The following COL23A1 variants were observed in gnomAD, a reference collection of about 807,000 sequenced individuals.
COL23A1 encodes collagen type XXIII alpha 1 chain.
Under a neutral mutation model 99.3 loss-of-function variants are expected in COL23A1, and 97 were observed. The ratio of observed to expected loss-of-function variants is 0.98; its 90% CI spans 0.83 to 1.16. The LOEUF (loss-of-function observed/expected upper bound fraction) is 1.16, where lower values mean the gene tolerates loss of function less well. COL23A1 is among the 50% of genes most tolerant of loss of function. The pLI is 0.00. For missense variants in COL23A1, 762 were observed against 757.4 expected (o/e 1.01, Z -0.07); for synonymous variants, 320 against 308.2 (o/e 1.04, Z -0.40).
intron 3 of COL23A1, among the ~76,000 whole-genome samples, chr5:178,304,421 A>C (rs1334729596): frequency 6.6e-6 from 1 of 150,392 alleles, no homozygotes; most frequent in Non-Finnish European, 1.5e-5. Context: ...GAGACATGAG[A>C]ATCGCTTGAA....
intron 1 of COL23A1, among the ~76,000 whole-genome samples, chr5:178,586,634 G>C (rs1764021888): frequency 6.7e-6 from 1 of 149,392 alleles, no homozygotes; most frequent in Non-Finnish European, 1.5e-5. Context: ...GACAAGAAAA[G>C]AGTGGAGAGA....
intron 1 of COL23A1, among the ~76,000 whole-genome samples, chr5:178,585,749 T>TG (rs1273881656): frequency 6.6e-6 from 1 of 151,404 alleles, no homozygotes; most frequent in Non-Finnish European, 1.5e-5. Flanking sequence ...TGGCTGACCC[T>TG]GTTGGTTGCT....
intron 2 of COL23A1, among the ~76,000 whole-genome samples, chr5:178,518,209 G>C (rs1356729955): frequency 7.7e-6 from 1 of 129,868 alleles, no homozygotes; most frequent in Non-Finnish European, 1.7e-5. Context: ...GCACGGGGTT[G>C]GGGGTAAGGT....
chr5:178,520,611 G>A (rs1759887901), intron 2 of COL23A1, among the ~76,000 whole-genome samples: 2 of 152,310 alleles, frequency 1.3e-5, no homozygotes, highest in Admixed American at 1.3e-4. Context: ...GTTCAGAAGT[G>A]AGGTGGACCA....
intron 2 of COL23A1, among the ~76,000 whole-genome samples, chr5:178,453,449 T>C (rs1042524563): frequency 3.9e-5 from 6 of 152,158 alleles, no homozygotes; most frequent in African/African-American, 1.4e-4. Flanking sequence ...GTGGTGCTGT[T>C]GTAAGGGCTG....
intron 2 of COL23A1, among the ~76,000 whole-genome samples, chr5:178,557,869 G>A (rs1403664913): frequency 6.6e-6 from 1 of 152,048 alleles, no homozygotes; most frequent in East Asian, 1.9e-4. Flanking sequence ...GAAGGTTCTG[G>A]TCTAAGGGGC....
rs1425268437 is a variant in COL23A1, at chr5:178,280,828, T to G, written c.441+7496A>C. ...TGTGGACAGGAGGTACCTGGGCTGC[T>G]GCCAGGAGGATGCAAAAAACTGCAG... On this transcript the variant is annotated intron_variant, in intron 5 of 28. Coordinates refer to ENST00000390654, the MANE Select transcript of COL23A1 (RefSeq NM_173465.4). This position sits in a 1 kb window ranked among gnomAD's most constrained non-coding sequence, Gnocchi z 4.9. Among the ~76,000 whole-genome samples the G allele has an allele frequency of 6.6e-6, 1 of 152,196 alleles. No homozygotes were observed. The highest frequency in any genetic ancestry group is 1.5e-5 in the Non-Finnish European group (1 of 68,038).
At chr5:178,583,552 G>T (rs182840062) in intron 1 of COL23A1, among the ~76,000 whole-genome samples, 45 of 152,332 alleles carry the variant, frequency 3.0e-4, no homozygotes, top group African/African-American at 1.1e-3. Context: ...GGGTCTCAGT[G>T]ACCAGGACGG....
chr5:178,425,531 G>A (rs530289658), intron 2 of COL23A1, among the ~76,000 whole-genome samples: 23 of 151,972 alleles, frequency 1.5e-4, no homozygotes, highest in Non-Finnish European at 2.4e-4. Flanking sequence ...TTCCTCATCC[G>A]CAAAAAGGTG....
intron 1 of COL23A1, among the ~76,000 whole-genome samples, chr5:178,575,955 C>T (rs1035980415): frequency 2.0e-5 from 3 of 152,200 alleles, no homozygotes; most frequent in African/African-American, 7.2e-5. Context: ...CAAGTCAATC[C>T]ATTGATTCCT....
At chr5:178,526,161 A>G (rs1198414035) in intron 2 of COL23A1, among the ~76,000 whole-genome samples, 1 of 152,196 alleles carries the variant, frequency 6.6e-6, no homozygotes, top group Non-Finnish European at 1.5e-5. Context: ...GGGAGAGAGT[A>G]GGCCCTGGGG....
At chr5:178,256,147 G>T (rs2127544220) in intron 15 of COL23A1, among the ~76,000 whole-genome samples, 1 of 152,250 alleles carries the variant, frequency 6.6e-6, no homozygotes, top group Non-Finnish European at 1.5e-5. Flanking sequence ...TCTTATTTTT[G>T]TACCTCCATA....
chr5:178,325,115 C>G (rs994542456), intron 2 of COL23A1, among the ~76,000 whole-genome samples: 1 of 152,218 alleles, frequency 6.6e-6, no homozygotes, highest in African/African-American at 2.4e-5. Context: ...AAGAACCAGA[C>G]GCTGAACTTC....
chr5:178,315,784 T>TTTC (rs869151464), intron 2 of COL23A1, among the ~76,000 whole-genome samples: 3 of 146,880 alleles, frequency 2.0e-5, no homozygotes, highest in African/African-American at 7.7e-5. Flanking sequence ...TTTTTTTTTT[T>TTTC]CAAGACAAAT....
At chr5:178,459,631 G>A (rs1452323964) in intron 2 of COL23A1, among the ~76,000 whole-genome samples, 6 of 152,054 alleles carry the variant, frequency 3.9e-5, no homozygotes, top group African/African-American at 1.2e-4. Flanking sequence ...GCGTGGTGGC[G>A]TGCACCTATA....
intron 2 of COL23A1, among the ~76,000 whole-genome samples, chr5:178,462,374 A>T (rs1294429712): frequency 6.6e-6 from 1 of 152,166 alleles, no homozygotes. Context: ...TTTCATATTG[A>T]TTCCTTTTAT....
At chr5:178,521,118 T>C (rs1759916840) in intron 2 of COL23A1, among the ~76,000 whole-genome samples, 1 of 152,156 alleles carries the variant, frequency 6.6e-6, no homozygotes, top group African/African-American at 2.4e-5. Context: ...AACACAGTGG[T>C]GAAAGTATTT....
At chr5:178,588,164 T>G (rs190675914) in intron 1 of COL23A1, among the ~76,000 whole-genome samples, 1 of 152,202 alleles carries the variant, frequency 6.6e-6, no homozygotes, top group East Asian at 1.9e-4. Flanking sequence ...GTCCAATAAC[T>G]CATTGTTCAA....
chr5:178,428,480 T>C lies in COL23A1; in HGVS notation c.362-121561A>G, dbSNP rs908914225. Among the ~76,000 whole-genome samples the C allele has an allele frequency of 6.6e-6, 1 of 152,182 alleles. No homozygotes were observed. The highest frequency in any genetic ancestry group is 2.4e-5 in the African/African-American group (1 of 41,450). On this transcript the variant is annotated intron_variant, in intron 2 of 28. Coordinates refer to ENST00000390654, the MANE Select transcript of COL23A1 (RefSeq NM_173465.4). This position sits in a 1 kb window ranked among gnomAD's most constrained non-coding sequence, Gnocchi z 5.0. ...GGAACTCCTTGTGACAAGGACTGAG[T>C]GAGTGTCCGGAGTGACTGCCAGCTG... is the stretch of plus-strand genomic sequence containing the variant.
Sources: gnomAD v4.1 joint callset for allele counts (sites outside exome capture counted in the v4.1 genomes callset) on GRCh38, gnomAD v4.1.1 for gene constraint, Gnocchi (gnomAD v3.1) non-coding constraint, MANE v1.5 for transcripts, NCBI Gene and HGNC (gene_info 2026-07-23, HGNC 2026-07-21) for gene names.